FDPS: variants seen among roughly 807,000 people sequenced by gnomAD.
FDPS encodes farnesyl pyrophosphate synthase.
Under a neutral mutation model 49.5 loss-of-function variants are expected in FDPS, and 29 were observed. That is an observed-to-expected ratio of 0.59 (90% confidence interval 0.44 to 0.80). The LOEUF (loss-of-function observed/expected upper bound fraction) is 0.80. FDPS is among the 30% of genes least tolerant of loss of function. FDPS has a pLI of 0.00. For missense variants in FDPS, 414 were observed against 525.6 expected, an observed-to-expected ratio of 0.79 and a Z score of 2.08; for synonymous variants, 172 against 206.4, an observed-to-expected ratio of 0.83 and a Z score of 1.43.
intron 4 of FDPS, chr1:155,317,684 T>TA (rs372848001): frequency 0.027 from 7,597 of 279,504 alleles, 2 homozygotes; most frequent in Middle Eastern, 0.042. Flanking sequence ...AAAAATAAAT[T>TA]AAAAAAAAAA....
At position 155,318,421 on chromosome 1, in the gene FDPS, G is replaced by T; in HGVS notation, c.684+130G>T. The T allele has an allele frequency of 7.9e-7, 1 of 1,273,184 alleles. No homozygotes were observed. Among genetic ancestry groups the T allele is most frequent in the Non-Finnish European group, 1.1e-6 (1 of 900,752 alleles). 78.9% of individuals were successfully genotyped at this position (1,273,184 alleles called of 1,614,324 possible). ...CCTGGAAGGGAAAGAAAGCGAGGAA[G>T]GGTGTTGGGAAGTGGGGTTGTGGTA... On this transcript the variant is annotated intron_variant, in intron 6 of 10. Transcript: ENST00000368356. This position sits in a 1 kb window ranked among gnomAD's most constrained non-coding sequence, Gnocchi z 4.2.
intron 4 of FDPS, among the ~76,000 whole-genome samples, chr1:155,316,655 G>T (rs1298173492): frequency 6.6e-6 from 1 of 151,270 alleles, no homozygotes; most frequent in East Asian, 2.0e-4. Flanking sequence ...GCAGTTGGTG[G>T]TGGCAGGTGC....
At position 155,312,361 on chromosome 1, in the gene FDPS, A is replaced by C. The variant is rs370107498; in HGVS notation, c.446A>C (p.Gln149Pro). The C allele has an allele frequency of 4.3e-6, 7 of 1,612,990 alleles. No individual in the cohort carries two copies. The highest frequency in any genetic ancestry group is 4.2e-6 in the Non-Finnish European group (5 of 1,179,396). ...EPRKQDADSL[Q>P]RAWTVGWCVE... ...AGGAAACAGGATGCTGATAGTCTCC[A>C]GCGGGCCTGGACTGTGGGCTGGTGT... Residue 149 changes from glutamine (Q) to proline (P), a missense_variant, in exon 4 of 11, where the codon CAG becomes CCG. By Grantham distance (76) the Gln-to-Pro change is moderately conservative (BLOSUM62 -1). Coordinates refer to ENST00000368356, the MANE Select transcript of FDPS (RefSeq NM_002004.4).
chr1:155,308,999 G>C (rs1271291124), intron 1 of FDPS, 34 bp downstream of exon 1: 2 of 152,570 alleles, frequency 1.3e-5, no homozygotes, highest in Non-Finnish European at 2.9e-5. Flanking sequence ...CTTGGAGGAA[G>C]GGGGCCGAGA....
At chr1:155,316,142 C>G (rs1408639722) in intron 4 of FDPS, among the ~76,000 whole-genome samples, 2 of 151,378 alleles carry the variant, frequency 1.3e-5, no homozygotes, top group Admixed American at 6.6e-5. Context: ...GTAATCCCAG[C>G]TACTTGGGAG....
At position 155,318,396 on chromosome 1, in the gene FDPS, C is replaced by A; in HGVS notation, c.684+105C>A. The A allele has an allele frequency of 6.9e-7, 1 of 1,453,010 alleles. No homozygotes were observed. Among genetic ancestry groups the A allele is most frequent in the Non-Finnish European group, 9.5e-7 (1 of 1,057,780 alleles). 90.0% of individuals were successfully genotyped at this position (1,453,010 alleles called of 1,614,324 possible). On this transcript the variant is annotated intron_variant, in intron 6 of 10. Coordinates refer to ENST00000368356, the MANE Select transcript of FDPS (RefSeq NM_002004.4). This position sits in a 1 kb window ranked among gnomAD's most constrained non-coding sequence, Gnocchi z 4.2. ...TTTCAGGGTACAGGATTGCAGCGTG[C>A]CTGGAAGGGAAAGAAAGCGAGGAAG...
chr1:155,318,823 C>G lies in FDPS; in HGVS notation c.774-33C>G, dbSNP rs756734644. The G allele has an allele frequency of 1.3e-6, 2 of 1,583,218 alleles. No homozygotes were observed. The highest frequency in any genetic ancestry group is 1.1e-5 in the South Asian group (1 of 90,458). On this transcript the variant is annotated intron_variant, in intron 7 of 10. Transcript: ENST00000368356. The surrounding 1 kb of genome is among the most constrained non-coding windows in gnomAD (Gnocchi z 4.2). Reference sequence around the variant, plus strand: ...GGGAGGGCTCAGGATGTGCATTGCCCTCCTGAGGAGTTTCTCTTCTCCCCT... The same window carrying G: ...GGGAGGGCTCAGGATGTGCATTGCCGTCCTGAGGAGTTTCTCTTCTCCCCT...
rs763439574 is a variant in FDPS, at chr1:155,310,224, G to T, written c.339+19G>T. 6.2e-7 allele frequency: 1 copy of T among 1,613,122 alleles called. No individual in the cohort carries two copies. Among genetic ancestry groups the T allele is most frequent in the Admixed American group, 1.7e-5 (1 of 59,990 alleles). ...CAAGGAGGTGAGGGATTCATGACTT[G>T]GGGGAGTAAGGCTTTGGTTCAGTTG... On this transcript the variant is annotated intron_variant, in intron 3 of 10. Transcript: ENST00000368356.
At chr1:155,320,076 A>G (rs1650134890) in intron 10 of FDPS, 148 bp downstream of exon 10, 1 of 916,180 alleles carries the variant, frequency 1.1e-6, no homozygotes, top group East Asian at 2.6e-5. Context: ...GTGTGTGTGC[A>G]TGTGGTACAG....
In FDPS at chr1:155,319,770, G is replaced by C. The variant is rs543749231; in HGVS notation, c.925-24G>C. ...CCAGGAACCTCATCCTTCCTCTTTT[G>C]CTGCCCTCCCCCTCCCTGCCCAGGA... On this transcript the variant is annotated intron_variant, in intron 9 of 10. Coordinates refer to ENST00000368356, the MANE Select transcript of FDPS (RefSeq NM_002004.4). 4 of 1,614,090 alleles carry C rather than the reference G, an allele frequency of 2.5e-6. No individual in the cohort carries two copies. The East Asian group carries it at 8.9e-5, about 36-fold the overall frequency.
chr1:155,318,724 T>C lies in FDPS; in HGVS notation c.744T>C (p.Asn248=), dbSNP rs1270672002. ...TLDLLTAPQG[N]VDLVRFTEKR... is the part of the protein sequence containing the mutation. ...ACCTCCTCACAGCCCCCCAGGGCAA[T>C]GTGGATCTTGTCAGATTCACTGAAA... Residue 248 remains asparagine, a synonymous_variant, in exon 7 of 11, where the codon AAT becomes AAC. Coordinates refer to ENST00000368356, the MANE Select transcript of FDPS (RefSeq NM_002004.4). The surrounding 1 kb of genome is among the most constrained non-coding windows in gnomAD (Gnocchi z 4.2). The C allele has an allele frequency of 2.5e-6, 4 of 1,613,706 alleles. No homozygotes were observed. Among genetic ancestry groups the C allele is most frequent in the East Asian group, 2.2e-5 (1 of 44,874 alleles).
At position 155,310,133 on chromosome 1, in the gene FDPS, G is replaced by C. The variant is rs1466709800; in HGVS notation, c.267G>C (p.Gln89His). Residue 89 changes from glutamine to histidine, a missense_variant, in exon 3 of 11, where the codon CAG becomes CAC. Physicochemically the swap from Gln to His is conservative, Grantham distance 24. Transcript: ENST00000368356. Reference protein sequence around the residue: ...EKQDFVQHFSQIVRVLTEDEM... With the variant: ...EKQDFVQHFSHIVRVLTEDEM... The stretch of plus-strand genomic sequence containing the variant: ...AGGATTTCGTTCAGCACTTCTCCCA[G>C]ATCGTTAGGGTGCTGACTGAGGATG... 4 of 1,613,972 alleles carry C rather than the reference G, an allele frequency of 2.5e-6. No individual in the cohort carries two copies.
Position 155,318,616 on chromosome 1 carries a change from C to CG in FDPS, c.685-48dup. On this transcript the variant is annotated intron_variant, in intron 6 of 10. Transcript: ENST00000368356. The surrounding 1 kb of genome is among the most constrained non-coding windows in gnomAD (Gnocchi z 4.2). ...TGTTGGGCTTGGGATACCAGGGTTTCGCATATCTGGAGAAAGCCTGGCTCA... is the reference window on the plus strand; with the variant it reads ...TGTTGGGCTTGGGATACCAGGGTTTCGGCATATCTGGAGAAAGCCTGGCTCA... The CG allele has an allele frequency of 7.1e-7, 1 of 1,410,490 alleles. No individual in the cohort carries two copies. The highest frequency in any genetic ancestry group is 2.3e-5 in the East Asian group (1 of 43,868). 87.4% of individuals were successfully genotyped at this position (1,410,490 alleles called of 1,614,324 possible).
chr1:155,316,026 G>C (rs890559605), intron 4 of FDPS, among the ~76,000 whole-genome samples: 11 of 151,990 alleles, frequency 7.2e-5, no homozygotes, highest in Non-Finnish European at 1.6e-4. Flanking sequence ...AGGCCAAGGT[G>C]GATGGATCAC....
chr1:155,310,093 A>G lies in FDPS; in HGVS notation c.227A>G (p.Tyr76Cys), dbSNP rs1056301612. 2 of 1,613,926 alleles carry G rather than the reference A, an allele frequency of 1.2e-6. No individual in the cohort carries two copies. Among genetic ancestry groups the G allele is most frequent in the Non-Finnish European group, 1.7e-6 (2 of 1,179,968 alleles). The change falls in exon 3 of 11, where the codon TAT becomes TGT. Residue 76 changes from tyrosine (Y) to cysteine (C), a missense_variant. By Grantham distance (194) the Tyr-to-Cys change is radical (BLOSUM62 -2). Coordinates refer to ENST00000368356, the MANE Select transcript of FDPS (RefSeq NM_002004.4). The stretch of plus-strand genomic sequence containing the variant: ...AACGGAGACCAGAATTCAGATGTTT[A>G]TGCCCAAGAAAAGCAGGATTTCGTT... ...RMNGDQNSDV[Y>C]AQEKQDFVQH...
chr1:155,318,265 C>G lies in FDPS; in HGVS notation c.658C>G (p.Leu220Val). Residue 220 changes from leucine to valine, a missense_variant, in exon 6 of 11, where the codon CTG becomes GTG. Leu to Val is a conservative substitution (Grantham distance 32). Transcript: ENST00000368356. The surrounding 1 kb of genome is among the most constrained non-coding windows in gnomAD (Gnocchi z 4.2). The stretch of plus-strand genomic sequence containing the variant: ...CTATTGCCGGGAGCAGCCCTATTAC[C>G]TGAACCTGATCGAGCTCTTCCTGCA... The part of the protein sequence containing the change: ...KLYCREQPYY[L>V]NLIELFLQSS... 1 of 1,613,258 alleles carries G rather than the reference C, an allele frequency of 6.2e-7. No individual in the cohort carries two copies. Among genetic ancestry groups the G allele is most frequent in the East Asian group, 2.2e-5 (1 of 44,890 alleles).
intron 4 of FDPS, among the ~76,000 whole-genome samples, chr1:155,313,350 G>A (rs1186149108): frequency 6.6e-6 from 1 of 152,202 alleles, no homozygotes; most frequent in Non-Finnish European, 1.5e-5. Context: ...GCTTTCATTA[G>A]TGGCAGGGGG....
In FDPS at chr1:155,318,750, AGAGGTGAGGG is replaced by A; in HGVS notation, c.773+8_773+17del. On this transcript the variant is annotated splice_donor_variant and splice_donor_5th_base_variant and coding_sequence_variant and intron_variant, in exon 7 of 11. Transcript: ENST00000368356. LOFTEE classifies it high-confidence loss of function. The surrounding 1 kb of genome is among the most constrained non-coding windows in gnomAD (Gnocchi z 4.2). ...GTGGATCTTGTCAGATTCACTGAAAAGAGGTGAGGGGAGGTGAGGGACAGCGCGAACCATG... is the reference window on the plus strand; with the variant it reads ...GTGGATCTTGTCAGATTCACTGAAAAGAGGTGAGGGACAGCGCGAACCATG... 4 of 1,612,724 alleles carry A rather than the reference AGAGGTGAGGG, an allele frequency of 2.5e-6. No individual in the cohort carries two copies. Among genetic ancestry groups the A allele is most frequent in the Non-Finnish European group, 3.4e-6 (4 of 1,178,882 alleles).
rs755810789 is a variant in FDPS, at chr1:155,310,223, T to TG, written c.339+23dup. On this transcript the variant is annotated intron_variant, in intron 3 of 10. Coordinates refer to ENST00000368356, the MANE Select transcript of FDPS (RefSeq NM_002004.4). The stretch of plus-strand genomic sequence containing the variant: ...TCAAGGAGGTGAGGGATTCATGACT[T>TG]GGGGGAGTAAGGCTTTGGTTCAGTT... The TG allele has an allele frequency of 6.2e-7, 1 of 1,612,674 alleles. No homozygotes were observed.
Sources: allele counts gnomAD v4.1 joint callset (sites outside exome capture counted in the v4.1 genomes callset), GRCh38; gene constraint gnomAD v4.1.1; non-coding constraint Gnocchi (gnomAD v3.1); transcripts MANE v1.5; gene names NCBI Gene and HGNC (gene_info 2026-07-23, HGNC 2026-07-21).